FBXO44: variants seen among roughly 807,000 people sequenced by gnomAD.
FBXO44 encodes F-box protein 44, also known as F-box only protein 44.
In FBXO44, 25 loss-of-function variants were observed where a neutral mutation model predicts 33.5. The observed-to-expected ratio is 0.75, with a 90% CI of 0.54 to 1.04. The LOEUF is 1.04. FBXO44 is among the 50% of genes least tolerant of loss of function. The pLI is 0.00. For missense variants in FBXO44, 311 were observed against 344.0 expected (o/e 0.90, Z 0.76); for synonymous variants, 147 against 152.8 (o/e 0.96, Z 0.28).
chr1:11,657,914 G>T (rs117781581), intron 2 of FBXO44, among the ~76,000 whole-genome samples: 1 of 152,026 alleles, frequency 6.6e-6, no homozygotes, highest in Admixed American at 6.5e-5. Context: ...CAGAGGAGAC[G>T]ACCAAGGGTC....
At chr1:11,657,591 A>G (rs1639892310) in intron 2 of FBXO44, among the ~76,000 whole-genome samples, 1 of 152,062 alleles carries the variant, frequency 6.6e-6, no homozygotes, top group South Asian at 2.1e-4. Context: ...AAATACAAAC[A>G]TTAACCAGGT....
intron 5 of FBXO44, among the ~76,000 whole-genome samples, chr1:11,659,381 C>A (rs3117063): frequency 0.44 from 66,452 of 151,536 alleles, 16,762 homozygotes; most frequent in African/African-American, 0.71. Context: ...TCCATCTCAA[C>A]AAAAAAAGAA....
chr1:11,659,914 A>G (rs964544953), intron 5 of FBXO44, among the ~76,000 whole-genome samples: 5 of 152,372 alleles, frequency 3.3e-5, no homozygotes, highest in Middle Eastern at 3.4e-3. Context: ...AGCTCTAGAC[A>G]ATATGTAAAC....
rs1431851504 is a variant in FBXO44, at chr1:11,661,489, C to T, written c.*216C>T. 12 of 599,324 alleles carry T rather than the reference C, an allele frequency of 2.0e-5. No individual in the cohort carries two copies. Among genetic ancestry groups the T allele is most frequent in the South Asian group, 2.9e-5 (1 of 34,104 alleles). The allele number at this position is 599,324 out of a possible 1,614,324, so 37.1% of individuals were successfully genotyped here. The stretch of plus-strand genomic sequence containing the variant: ...GAAAGGTCTTGACCTGAATGATGGC[C>T]GGGGAAGCCTGCGTGTGCCCCTTTC... On this transcript the variant is annotated 3_prime_UTR_variant, in exon 6 of 6. Coordinates refer to ENST00000251547, the MANE Select transcript of FBXO44 (RefSeq NM_033182.7). The surrounding 1 kb of genome is among the most constrained non-coding windows in gnomAD (Gnocchi z 4.4).
intron 2 of FBXO44, among the ~76,000 whole-genome samples, chr1:11,656,815 A>G (rs1420010509): frequency 6.6e-6 from 1 of 152,128 alleles, no homozygotes; most frequent in Admixed American, 6.5e-5. Context: ...AGGCGAGGGA[A>G]TGTTGGCCAA....
At chr1:11,660,276 C>G (rs1640098946) in intron 5 of FBXO44, among the ~76,000 whole-genome samples, 1 of 152,230 alleles carries the variant, frequency 6.6e-6, no homozygotes, top group Non-Finnish European at 1.5e-5. Context: ...ATTCTCCTGC[C>G]TCAGCCTCCT....
Position 11,655,875 on chromosome 1 carries a change from C to T in FBXO44, c.40C>T (p.Leu14=). The change falls in exon 2 of 6, where the codon CTG becomes TTG. Residue 14 remains leucine, a synonymous_variant. Transcript: ENST00000251547. Reference sequence around the variant, plus strand: ...CATCAACGAGCTGCCCGAGAACATCCTGCTGGAGCTGTTCACGCACGTGCC... The same window carrying T: ...CATCAACGAGCTGCCCGAGAACATCTTGCTGGAGCTGTTCACGCACGTGCC... ...GNINELPENI[L]LELFTHVPAR... is the part of the protein sequence containing the mutation. 1.2e-6 allele frequency: 2 copies of T among 1,613,966 alleles called. No homozygotes were observed. Among genetic ancestry groups the T allele is most frequent in the East Asian group, 2.2e-5 (1 of 44,886 alleles).
intron 5 of FBXO44, among the ~76,000 whole-genome samples, chr1:11,660,406 C>T (rs1235012572): frequency 6.6e-6 from 1 of 152,054 alleles, no homozygotes; most frequent in Non-Finnish European, 1.5e-5. Context: ...GTGATCCACC[C>T]GCCTCAGCCT....
chr1:11,658,509 TCCCACCCCTCTGCCTGCC>T lies in FBXO44; in HGVS notation c.393-19_393-2del. On this transcript the variant is annotated splice_polypyrimidine_tract_variant and splice_region_variant and intron_variant, in intron 3 of 5. Coordinates refer to ENST00000251547, the MANE Select transcript of FBXO44 (RefSeq NM_033182.7). The stretch of plus-strand genomic sequence containing the variant: ...CTGCCCTAGTGGTGAGCCCAGCCCC[TCCCACCCCTCTGCCTGCC>T]CCCAGCACCTGCCTCAAGTCCCAGG... The T allele has an allele frequency of 6.3e-7, 1 of 1,589,398 alleles. No individual in the cohort carries two copies.
rs372045652 is a variant in FBXO44, at chr1:11,661,163, G to A, written c.658G>A (p.Val220Ile). The A allele has an allele frequency of 1.1e-5, 17 of 1,613,454 alleles. No homozygotes were observed. Among genetic ancestry groups the A allele is most frequent in the East Asian group, 2.2e-5 (1 of 44,848 alleles). ...CACATTCTCCAACTACCCGCCCGGC[G>A]TCCGCTACATCTGGTTTCAGCACGG... Reference protein sequence around the residue: ...SHTFSNYPPGVRYIWFQHGGV... With the variant: ...SHTFSNYPPGIRYIWFQHGGV... Residue 220 changes from valine to isoleucine, a missense_variant, in exon 6 of 6, where the codon GTC becomes ATC. Transcript: ENST00000251547. The surrounding 1 kb of genome is among the most constrained non-coding windows in gnomAD (Gnocchi z 4.4).
At chr1:11,654,792 G>A (rs1231070693), upstream of FBXO44, 1 of 151,100 alleles carries the variant, frequency 6.6e-6, no homozygotes, top group Non-Finnish European at 1.5e-5. Context: ...CCTACGACGC[G>A]GTGGGGGTGC....
At chr1:11,658,486 G>A in intron 3 of FBXO44, 47 bp from the exon 4 acceptor site, 1 of 1,609,094 alleles carries the variant, frequency 6.2e-7, no homozygotes, top group South Asian at 1.1e-5. Flanking sequence ...GCCCCTCACT[G>A]CCCTAGTGGT....
At position 11,658,766 on chromosome 1, in the gene FBXO44, G is replaced by C. The variant is rs773401009; in HGVS notation, c.519G>C (p.Lys173Asn). ...WFAARPDCGSKYQLCVQLLSS... is the reference protein window; with the variant it reads ...WFAARPDCGSNYQLCVQLLSS... ...CAGCCAGGCCAGATTGCGGGTCCAA[G>C]TACCAGCTGTGCGTTCAGCTCCTGT... is the stretch of plus-strand genomic sequence containing the variant. Residue 173 changes from lysine (K) to asparagine (N), a missense_variant, in exon 5 of 6, where the codon AAG (lysine) becomes AAC (asparagine). Transcript: ENST00000251547. 1 of 1,613,992 alleles carries C rather than the reference G, an allele frequency of 6.2e-7. No individual in the cohort carries two copies. Among genetic ancestry groups the C allele is most frequent in the East Asian group, 2.2e-5 (1 of 44,840 alleles).
intron 2 of FBXO44, among the ~76,000 whole-genome samples, chr1:11,656,634 T>G (rs1223716288): frequency 6.6e-6 from 1 of 152,128 alleles, no homozygotes; most frequent in East Asian, 1.9e-4. Context: ...GCTAATTTTT[T>G]GTATTTTTAA....
chr1:11,662,589 C>T lies in FBXO44; in HGVS notation c.*1316C>T, dbSNP rs1186243992. The T allele has an allele frequency of 1.3e-5, 2 of 152,258 alleles. No individual in the cohort carries two copies. Among genetic ancestry groups the T allele is most frequent in the Admixed American group, 6.5e-5 (1 of 15,272 alleles). The allele number at this position is 152,258 out of a possible 1,614,324, so 9.4% of individuals were successfully genotyped here. On this transcript the variant is annotated 3_prime_UTR_variant, in exon 6 of 6. Coordinates refer to ENST00000251547, the MANE Select transcript of FBXO44 (RefSeq NM_033182.7). ...CTTGTGCCAGATCAGCAGTGCCACC[C>T]AGGCTCTGCCTCCTGGTGTTACTCT...
intron 4 of FBXO44, 45 bp from the exon 5 acceptor site, chr1:11,658,691 G>A: frequency 1.3e-6 from 2 of 1,598,608 alleles, no homozygotes; most frequent in South Asian, 1.1e-5. Context: ...CCCCCGCCCT[G>A]CCCCCAATCT....
upstream of FBXO44, chr1:11,654,463 C>A (rs1392814468): frequency 9.6e-7 from 1 of 1,042,086 alleles, no homozygotes; most frequent in East Asian, 3.3e-5. Context: ...TCTTAAAGGC[C>A]CCCGACCCGA....
chr1:11,654,450 G>T, upstream of FBXO44: 1 of 1,150,016 alleles, frequency 8.7e-7, no homozygotes, highest in Non-Finnish European at 1.1e-6. Flanking sequence ...CGGCGACCGC[G>T]CCTCTTAAAG....
intron 1 of FBXO44, chr1:11,655,217 T>C (rs1317818297): frequency 1.1e-5 from 1 of 94,310 alleles, no homozygotes; most frequent in Non-Finnish European, 2.0e-5. Flanking sequence ...GCAGGCGCGC[T>C]GGCGGACTTG....
Sources: gnomAD v4.1 joint callset for allele counts (sites outside exome capture counted in the v4.1 genomes callset) on GRCh38, gnomAD v4.1.1 for gene constraint, Gnocchi (gnomAD v3.1) non-coding constraint, MANE v1.5 for transcripts, NCBI Gene and HGNC (gene_info 2026-07-23, HGNC 2026-07-21) for gene names.